The following FHOD3 variants were observed in gnomAD, a reference collection of about 807,000 sequenced individuals.
The protein encoded by FHOD3 is formin homology 2 domain containing 3.
FHOD3 carries 90 observed loss-of-function variants against 173.0 expected under a neutral mutation model. That is an observed-to-expected ratio of 0.52 (90% CI 0.44 to 0.62). The LOEUF is 0.62. FHOD3 is among the 20% of genes least tolerant of loss of function. The pLI is 0.00. For missense variants in FHOD3, 1,945 were observed against 2,034.7 expected (o/e 0.96, Z 0.85); for synonymous variants, 828 against 823.0 (o/e 1.01, Z -0.10).
chr18:36,769,720 C>G (rs2043292252), intron 28 of FHOD3, among the ~76,000 whole-genome samples: 1 of 151,954 alleles, frequency 6.6e-6, no homozygotes, highest in South Asian at 2.1e-4. Context: ...CTGTGGTGTA[C>G]CAGGGGTGAG....
chr18:36,568,599 T>C (rs924350268), intron 5 of FHOD3, among the ~76,000 whole-genome samples: 2 of 151,824 alleles, frequency 1.3e-5, no homozygotes, highest in Non-Finnish European at 2.9e-5. Context: ...ACTGTCGACT[T>C]TGTAGTACAC....
At chr18:36,299,031 G>A (rs9635927) in intron 1 of FHOD3, among the ~76,000 whole-genome samples, 20,644 of 150,302 alleles carry the variant, frequency 0.14, 1,822 homozygotes, top group South Asian at 0.26. Flanking sequence ...AAGCGTTGAT[G>A]CCCAAAAGAA....
chr18:36,763,439 TTATATATAATATGCGTATTATACACGTTA>T (rs2042996805), intron 27 of FHOD3, among the ~76,000 whole-genome samples: 2 of 148,036 alleles, frequency 1.4e-5, no homozygotes, highest in African/African-American at 4.9e-5. Flanking sequence ...ATTATACACG[TTATATATAATATGCGTATTATACACGTTA>T]TATATAATAT....
intron 5 of FHOD3, among the ~76,000 whole-genome samples, chr18:36,553,071 G>A (rs2057727514): frequency 6.6e-6 from 1 of 152,176 alleles, no homozygotes; most frequent in Non-Finnish European, 1.5e-5. Flanking sequence ...CATCTATTGA[G>A]ATAATCATGT....
intron 20 of FHOD3, among the ~76,000 whole-genome samples, chr18:36,733,291 C>G (rs1187199636): frequency 6.6e-6 from 1 of 152,168 alleles, no homozygotes; most frequent in Non-Finnish European, 1.5e-5. Flanking sequence ...ACAATTTTTC[C>G]CACCACCCTG....
chr18:36,654,088 A>G (rs1452159051), intron 13 of FHOD3, among the ~76,000 whole-genome samples: 1 of 152,014 alleles, frequency 6.6e-6, no homozygotes, highest in Non-Finnish European at 1.5e-5. Flanking sequence ...TTCTCTCCTT[A>G]CTGCACTCAC....
intron 14 of FHOD3, among the ~76,000 whole-genome samples, chr18:36,668,805 T>C (rs1204176832): frequency 1.3e-5 from 2 of 152,096 alleles, no homozygotes; most frequent in East Asian, 3.8e-4. Context: ...TATCTTTCTG[T>C]TACTGATTTC....
intron 27 of FHOD3, among the ~76,000 whole-genome samples, chr18:36,768,752 ATTTC>A (rs1156826130): frequency 1.3e-5 from 2 of 152,206 alleles, no homozygotes; most frequent in African/African-American, 2.4e-5. Flanking sequence ...TATAAAATCT[ATTTC>A]TTTCTACTTA....
Position 36,779,524 on chromosome 18 carries a change from G to A in FHOD3, c.4863G>A (p.Gln1621=), listed in dbSNP as rs1027225965. 1.2e-6 allele frequency: 2 copies of A among 1,614,004 alleles called. No homozygotes were observed. Among genetic ancestry groups the A allele is most frequent in the Admixed American group, 1.7e-5 (1 of 60,012 alleles). ...ALGLVGTSEL[Q]L is the part of the protein sequence containing the mutation. ...GCTTGGTTGGCACCTCGGAGTTGCAGCTGTGACACTCATAGGTTACTCCCA... is the reference window on the plus strand; with the variant it reads ...GCTTGGTTGGCACCTCGGAGTTGCAACTGTGACACTCATAGGTTACTCCCA... Residue 1621 remains glutamine, a synonymous_variant, in exon 29 of 29, where the codon CAG becomes CAA. Transcript: ENST00000590592.
At chr18:36,460,258 G>A (rs761971522) in intron 3 of FHOD3, among the ~76,000 whole-genome samples, 9 of 152,098 alleles carry the variant, frequency 5.9e-5, no homozygotes, top group East Asian at 1.9e-4. Context: ...GTCACCATAC[G>A]CAGCCCAAAA....
chr18:36,580,723 C>G (rs1247368852), intron 6 of FHOD3, among the ~76,000 whole-genome samples: 2 of 152,198 alleles, frequency 1.3e-5, no homozygotes, highest in African/African-American at 4.8e-5. Context: ...ATACATCAAC[C>G]CAAGACCCTT....
chr18:36,419,443 C>T (rs1206685397), intron 3 of FHOD3, among the ~76,000 whole-genome samples: 1 of 152,008 alleles, frequency 6.6e-6, no homozygotes, highest in Non-Finnish European at 1.5e-5. Context: ...AATGCCACAG[C>T]ACAGCAGTCT....
intron 17 of FHOD3, among the ~76,000 whole-genome samples, chr18:36,700,723 TA>T (rs1478293099): frequency 1.3e-5 from 2 of 152,202 alleles, no homozygotes; most frequent in Non-Finnish European, 2.9e-5. Context: ...CTCCATTATC[TA>T]CCACATAAAT....
chr18:36,496,780 T>A (rs2054768470), intron 3 of FHOD3, among the ~76,000 whole-genome samples: 1 of 152,168 alleles, frequency 6.6e-6, no homozygotes, highest in Admixed American at 6.5e-5. Context: ...ATATTAAAGG[T>A]TTGCAGTAGT....
At chr18:36,576,273 C>T (rs895517381) in intron 5 of FHOD3, among the ~76,000 whole-genome samples, 178 bp from the exon 6 acceptor site, 3 of 152,126 alleles carry the variant, frequency 2.0e-5, no homozygotes, top group Admixed American at 2.0e-4. Flanking sequence ...TTCTAGTGTT[C>T]GACACTTTCT....
At chr18:36,759,235 C>T in intron 26 of FHOD3, 94 bp downstream of exon 26, 5 of 1,327,686 alleles carry the variant, frequency 3.8e-6, no homozygotes, top group Non-Finnish European at 3.1e-6. Context: ...GTGTCAGCAC[C>T]ATTCAGTGCT....
intron 14 of FHOD3, among the ~76,000 whole-genome samples, chr18:36,661,627 G>A (rs923653029): frequency 3.3e-5 from 5 of 152,040 alleles, no homozygotes; most frequent in Admixed American, 6.6e-5. Flanking sequence ...CAGGCACCTC[G>A]GCCCACTTTG....
chr18:36,357,377 C>T (rs115262540), intron 2 of FHOD3, among the ~76,000 whole-genome samples: 15 of 152,284 alleles, frequency 9.9e-5, no homozygotes, highest in African/African-American at 3.6e-4. Flanking sequence ...AGGCACTTAG[C>T]GAATACTAGT....
At chr18:36,671,380 A>C (rs2037524137) in intron 14 of FHOD3, among the ~76,000 whole-genome samples, 1 of 152,218 alleles carries the variant, frequency 6.6e-6, no homozygotes, top group African/African-American at 2.4e-5. Flanking sequence ...ACTGGCCTTC[A>C]CCATCTGATG....
Sources: gnomAD v4.1 joint callset for allele counts (sites outside exome capture counted in the v4.1 genomes callset) on GRCh38, gnomAD v4.1.1 for gene constraint, MANE v1.5 for transcripts, NCBI Gene and HGNC (gene_info 2026-07-23, HGNC 2026-07-21) for gene names.